Variants in PLG observed in about 807,000 individuals in gnomAD.
The protein encoded by PLG is plasminogen.
PLG carries 41 observed loss-of-function variants against 104.4 expected under a neutral mutation model. That is an observed-to-expected ratio of 0.39 (90% confidence interval 0.31 to 0.51). PLG has a LOEUF of 0.51. Ranked by LOEUF, PLG falls within the 20% of genes least tolerant of loss-of-function variation. PLG has a pLI of 0.76. For synonymous variants in PLG, 337 were observed against 357.1 expected, an observed-to-expected ratio of 0.94 and a Z score of 0.63; for missense variants, 891 against 1,003.6, an observed-to-expected ratio of 0.89 and a Z score of 1.52.
Position 160,727,277 on chromosome 6 carries a change from G to A in PLG, c.1257-3774G>A, listed in dbSNP as rs188149918. On this transcript the variant is annotated intron_variant, in intron 10 of 18. Coordinates refer to ENST00000308192, the MANE Select transcript of PLG (RefSeq NM_000301.5). The stretch of plus-strand genomic sequence containing the variant: ...CTGATATCTATTAAAGACAACATGT[G>A]TATATAATCTTTAATATGTTAATAT... Among the ~76,000 whole-genome samples, 150 of 151,646 alleles carry A rather than the reference G, an allele frequency of 9.9e-4. No individual in the cohort carries two copies. In the Middle Eastern group the frequency reaches 0.014, roughly 14 times the overall value.
At chr6:160,721,928 A>C (rs1777836932) in intron 9 of PLG, among the ~76,000 whole-genome samples, 1 of 152,170 alleles carries the variant, frequency 6.6e-6, no homozygotes, top group Non-Finnish European at 1.5e-5. Flanking sequence ...GAAGCTGTGG[A>C]TCTTTGCCTG....
At position 160,738,935 on chromosome 6, in the gene PLG, TG is replaced by T; in HGVS notation, c.1878-132del. On this transcript the variant is annotated intron_variant, in intron 15 of 18. Coordinates refer to ENST00000308192, the MANE Select transcript of PLG (RefSeq NM_000301.5). The surrounding 1 kb of genome is among the most constrained non-coding windows in gnomAD (Gnocchi z 6.8). ...CCTGTTTCAAGCAAATCATGAATTT[TG>T]CTTCTTGCCACTCAGAAGTCACTAA... 1 of 1,010,100 alleles carries T rather than the reference TG, an allele frequency of 9.9e-7. No homozygotes were observed. The highest frequency in any genetic ancestry group is 1.6e-6 in the Non-Finnish European group (1 of 638,758). The allele number at this position is 1,010,100 out of a possible 1,614,324, so 62.6% of individuals were successfully genotyped here.
chr6:160,749,500 CCA>C (rs1399060648), intron 17 of PLG, among the ~76,000 whole-genome samples: 1 of 150,540 alleles, frequency 6.6e-6, no homozygotes, highest in Non-Finnish European at 1.5e-5. Context: ...ACCACCACCA[CCA>C]CCCCCATCAT....
rs900949942 is a variant in PLG at position 160,752,653 on chromosome 6, A to G, written c.2272-247A>G. Among the ~76,000 whole-genome samples, 3 of 152,178 alleles carry G rather than the reference A, an allele frequency of 2.0e-5. No individual in the cohort carries two copies. Among genetic ancestry groups the G allele is most frequent in the Non-Finnish European group, 4.4e-5 (3 of 68,018 alleles). ...CCCAGTCTAAAGGAAACACCAACAT[A>G]GGAAGGGATGTGTGCAGGATTCACA... On this transcript the variant is annotated intron_variant, in intron 18 of 18. Transcript: ENST00000308192. The surrounding 1 kb of genome is among the most constrained non-coding windows in gnomAD (Gnocchi z 4.7).
rs1420382004 is a variant in PLG, at chr6:160,753,170, A to G, written c.*109A>G. 9.8e-6 allele frequency: 7 copies of G among 713,520 alleles called. No homozygotes were observed. Among genetic ancestry groups the G allele is most frequent in the Non-Finnish European group, 1.7e-5 (7 of 415,242 alleles). 44.2% of individuals were successfully genotyped at this position (713,520 alleles called of 1,614,324 possible). A position where few individuals can be genotyped will look rare whatever the true frequency, so the allele number is the denominator to read the frequency against. On this transcript the variant is annotated 3_prime_UTR_variant, in exon 19 of 19. Transcript: ENST00000308192. The surrounding 1 kb of genome is among the most constrained non-coding windows in gnomAD (Gnocchi z 5.4). ...GTAATCAAACGAAGACACTGTCCCC[A>G]GCTACCAGCTACGCCAAACCTCGGC...
chr6:160,747,621 G>GTTTTT (rs10625439), intron 17 of PLG, among the ~76,000 whole-genome samples: 3 of 151,950 alleles, frequency 2.0e-5, no homozygotes, highest in East Asian at 3.9e-4. Flanking sequence ...TTGAAGAAAG[G>GTTTTT]TTTGTTTTTG....
chr6:160,722,490 C>T lies in PLG; in HGVS notation c.1179C>T (p.Thr393=). The T allele has an allele frequency of 6.2e-7, 1 of 1,613,536 alleles. No individual in the cohort carries two copies. The highest frequency in any genetic ancestry group is 8.5e-7 in the Non-Finnish European group (1 of 1,179,514). The part of the protein sequence containing the change: ...QSYRGTSSTT[T]TGKKCQSWSS... Reference sequence around the variant, plus strand: ...ACCGAGGCACATCCTCCACCACCACCACAGGAAAGAAGTGTCAGTCTTGGT... The same window carrying T: ...ACCGAGGCACATCCTCCACCACCACTACAGGAAAGAAGTGTCAGTCTTGGT... Residue 393 remains threonine (T), a synonymous_variant, in exon 10 of 19, where the codon ACC becomes ACT. Coordinates refer to ENST00000308192, the MANE Select transcript of PLG (RefSeq NM_000301.5).
At chr6:160,710,673 T>C (rs1347104954) in intron 3 of PLG, among the ~76,000 whole-genome samples, 2 of 152,226 alleles carry the variant, frequency 1.3e-5, no homozygotes, top group Non-Finnish European at 2.9e-5. Flanking sequence ...TAAAAAGCCC[T>C]TTCCCCATTC....
rs773146018 is a variant in PLG at position 160,731,922 on chromosome 6, C to A, written c.1587+29C>A. 6.2e-7 allele frequency: 1 copy of A among 1,611,160 alleles called. No homozygotes were observed. The highest frequency in any genetic ancestry group is 1.7e-5 in the Admixed American group (1 of 60,016). On this transcript the variant is annotated intron_variant, in intron 12 of 18. Transcript: ENST00000308192. This position sits in a 1 kb window ranked among gnomAD's most constrained non-coding sequence, Gnocchi z 5.1. ...AGCCACTTTGATTTGGACTCTTTGGCCTTTTGCTCACCAATCTTTGCAAAC... is the reference window on the plus strand; with the variant it reads ...AGCCACTTTGATTTGGACTCTTTGGACTTTTGCTCACCAATCTTTGCAAAC...
Position 160,752,185 on chromosome 6 carries a change from T to C in PLG, c.2196T>C (p.Tyr732=), listed in dbSNP as rs1778414802. 2.5e-6 allele frequency: 4 copies of C among 1,613,070 alleles called. No homozygotes were observed. The highest frequency in any genetic ancestry group is 3.4e-6 in the Non-Finnish European group (4 of 1,178,978). ...TTGAGAATAAAGTGTGCAATCGCTA[T>C]GAGTTTCTGAATGGAAGAGTCCAAT... The part of the protein sequence containing the change: ...PVIENKVCNR[Y]EFLNGRVQST... Residue 732 remains tyrosine, a synonymous_variant, in exon 18 of 19, where the codon TAT becomes TAC. Transcript: ENST00000308192. This position sits in a 1 kb window ranked among gnomAD's most constrained non-coding sequence, Gnocchi z 4.7.
chr6:160,741,316 C>T lies in PLG; in HGVS notation c.2024C>T (p.Ala675Val), dbSNP rs755339005. ...TGCTGATGCTTTTCTTTCAGTCCTG[C>T]CGTCATCACTGACAAAGTAATCCCA... ...DIALLKLSSP[A>V]VITDKVIPAC... The change falls in exon 17 of 19, where the codon GCC becomes GTC. Residue 675 changes from alanine (A) to valine (V), a missense_variant. By Grantham distance (64) the Ala-to-Val change is moderately conservative (BLOSUM62 0). Around this residue, in one of 2 missense-constraint regions of PLG, gnomAD observed 854 missense variants for 932.1 expected, o/e 0.92. Transcript: ENST00000308192. This position sits in a 1 kb window ranked among gnomAD's most constrained non-coding sequence, Gnocchi z 4.7. 8 of 1,590,358 alleles carry T rather than the reference C, an allele frequency of 5.0e-6. No individual in the cohort carries two copies. In the Admixed American group the frequency reaches 1.3e-4, roughly 27 times the overall value.
At chr6:160,707,586 C>G in intron 2 of PLG, 114 bp from the exon 3 acceptor site, 1 of 1,129,966 alleles carries the variant, frequency 8.8e-7, no homozygotes, top group Non-Finnish European at 1.3e-6. Context: ...CAATTCTGAG[C>G]TCTCTGGTCC....
chr6:160,735,420 A>C lies in PLG; in HGVS notation c.1681+1332A>C, dbSNP rs2115177096. 6.6e-6 allele frequency among the ~76,000 whole-genome samples: 1 copy of C among 152,314 alleles called. No homozygotes were observed. On this transcript the variant is annotated intron_variant, in intron 13 of 18. Transcript: ENST00000308192. This position sits in a 1 kb window ranked among gnomAD's most constrained non-coding sequence, Gnocchi z 5.4. ...GTGCAATTCTGGTGTCCTCACCCAC[A>C]TTGAGGATGTACAAGAATCAGGTTC...
At position 160,725,290 on chromosome 6, in the gene PLG, A is replaced by C. The variant is rs774656476; in HGVS notation, c.1256+2723A>C. On this transcript the variant is annotated intron_variant, in intron 10 of 18. Transcript: ENST00000308192. This position sits in a 1 kb window ranked among gnomAD's most constrained non-coding sequence, Gnocchi z 6.3. The stretch of plus-strand genomic sequence containing the variant: ...ATGATAGCAATGTATTGCTACTTTA[A>C]CATATGTAAAAGTAAAAATTTCTAA... Among the ~76,000 whole-genome samples, 2 of 152,204 alleles carry C rather than the reference A, an allele frequency of 1.3e-5. No homozygotes were observed. Among genetic ancestry groups the C allele is most frequent in the Non-Finnish European group, 2.9e-5 (2 of 68,034 alleles).
intron 6 of PLG, 41 bp downstream of exon 6, chr6:160,714,955 C>T (rs747892366): frequency 1.9e-5 from 30 of 1,588,326 alleles, no homozygotes; most frequent in Admixed American, 8.3e-5. Context: ...TTAATTAAGG[C>T]TCTGCAGCTC....
rs79159046 is a variant in PLG, at chr6:160,711,192, G to A, written c.407+1G>A. 6.2e-7 allele frequency: 1 copy of A among 1,613,304 alleles called. No individual in the cohort carries two copies. Among genetic ancestry groups the A allele is most frequent in the East Asian group, 2.2e-5 (1 of 44,864 alleles). On this transcript the variant is annotated splice_donor_variant, in intron 4 of 18. Coordinates refer to ENST00000308192, the MANE Select transcript of PLG (RefSeq NM_000301.5). LOFTEE classifies it high-confidence loss of function. Reference sequence around the variant, plus strand: ...GTTCCACTTCTCCCCACAGACCTAGGTAAGACATTCCCTTTCATCTTTGTG... The same window carrying A: ...GTTCCACTTCTCCCCACAGACCTAGATAAGACATTCCCTTTCATCTTTGTG...
At chr6:160,704,250 T>A (rs1777477574) in intron 1 of PLG, among the ~76,000 whole-genome samples, 1 of 152,240 alleles carries the variant, frequency 6.6e-6, no homozygotes, top group African/African-American at 2.4e-5. Flanking sequence ...GAAAATTATT[T>A]CAAACTGAAA....
At chr6:160,711,728 C>G (rs1204835681) in intron 4 of PLG, 1 of 1,607,760 alleles carries the variant, frequency 6.2e-7, no homozygotes, top group Non-Finnish European at 8.5e-7. Context: ...ATCAATGAAA[C>G]TATGAGTTTT....
At chr6:160,722,946 G>T (rs925766044) in intron 10 of PLG, among the ~76,000 whole-genome samples, 16 of 151,818 alleles carry the variant, frequency 1.1e-4, no homozygotes, top group African/African-American at 3.9e-4. Context: ...TGAAATGAAG[G>T]TTGAATTTGC....
Sources: gnomAD v4.1 joint callset for allele counts (sites outside exome capture counted in the v4.1 genomes callset) on GRCh38, gnomAD v4.1.1 for gene constraint, gnomAD v4.1.1 regional missense constraint, Gnocchi (gnomAD v3.1) non-coding constraint, MANE v1.5 for transcripts, NCBI Gene and HGNC (gene_info 2026-07-23, HGNC 2026-07-21) for gene names.